APOL3: variants seen among roughly 807,000 people sequenced by gnomAD.
APOL3 encodes apolipoprotein L3.
Under a neutral mutation model 11.6 loss-of-function variants are expected in APOL3, and 14 were observed. The observed-to-expected ratio is 1.21, with a 90% CI of 0.80 to 1.89. The LOEUF is 1.89. APOL3 is among the 40% of genes most tolerant of loss of function. The probability of loss-of-function intolerance (pLI) is 0.00; values close to 1 mark genes in which losing one functional copy is unlikely to be tolerated. For missense variants in APOL3, 483 were observed against 492.1 expected (o/e 0.98, Z 0.17); for synonymous variants, 192 against 190.6 (o/e 1.01, Z -0.06).
chr22:36,153,074 G>A (rs2012061349), intron 1 of APOL3, among the ~76,000 whole-genome samples: 1 of 151,876 alleles, frequency 6.6e-6, no homozygotes, highest in African/African-American at 2.4e-5. Context: ...TAGCTACATT[G>A]CACTCCAGCC....
chr22:36,157,481 C>T (rs1212273878), intron 1 of APOL3, among the ~76,000 whole-genome samples: 2 of 151,940 alleles, frequency 1.3e-5, no homozygotes, highest in East Asian at 3.9e-4. Context: ...CTAAGTGTAC[C>T]CCAGAAAGAA....
At chr22:36,156,466 C>T (rs935175717) in intron 1 of APOL3, among the ~76,000 whole-genome samples, 4 of 152,156 alleles carry the variant, frequency 2.6e-5, no homozygotes, top group Non-Finnish European at 5.9e-5. Context: ...ACACGGGCTC[C>T]TACTTTCCTC....
At chr22:36,151,995 T>G (rs1253481483) in intron 1 of APOL3, among the ~76,000 whole-genome samples, 2 of 151,944 alleles carry the variant, frequency 1.3e-5, no homozygotes, top group Non-Finnish European at 2.9e-5. Context: ...TGAGTGTGTG[T>G]GTGTGTGTGC....
At chr22:36,142,739 G>A (rs2060044867) in intron 2 of APOL3, among the ~76,000 whole-genome samples, 1 of 152,188 alleles carries the variant, frequency 6.6e-6, no homozygotes. Flanking sequence ...CCCAGAAAGA[G>A]CTCTGTACAT....
At chr22:36,154,625 T>G (rs1019808461) in intron 1 of APOL3, 24 of 470,954 alleles carry the variant, frequency 5.1e-5, no homozygotes, top group Non-Finnish European at 9.7e-5. Context: ...GCTGTGTTAT[T>G]CTCCTATGGA....
intron 1 of APOL3, chr22:36,149,357 C>T (rs1239718883): frequency 1.5e-6 from 2 of 1,306,476 alleles, no homozygotes; most frequent in Non-Finnish European, 1.0e-6. Context: ...CACACCAAGG[C>T]AGGGTCCTTT....
intron 1 of APOL3, among the ~76,000 whole-genome samples, chr22:36,146,756 C>T (rs1309539353): frequency 6.6e-6 from 1 of 151,944 alleles, no homozygotes; most frequent in Non-Finnish European, 1.5e-5. Flanking sequence ...AACAGAGAAA[C>T]CAATGAATAT....
At chr22:36,157,778 G>A (rs906610014) in intron 1 of APOL3, among the ~76,000 whole-genome samples, 7 of 152,086 alleles carry the variant, frequency 4.6e-5, no homozygotes, top group African/African-American at 1.4e-4. Context: ...AGCCAGGTGC[G>A]GTGGCTCATA....
upstream of APOL3, chr22:36,165,248 A>G (rs1569530202): frequency 6.6e-6 from 1 of 152,110 alleles, no homozygotes; most frequent in Non-Finnish European, 1.5e-5. Flanking sequence ...CTTAAAAATT[A>G]CTCAACAAAT....
intron 2 of APOL3, among the ~76,000 whole-genome samples, chr22:36,144,050 A>G (rs1320930432): frequency 6.6e-6 from 1 of 152,154 alleles, no homozygotes; most frequent in Non-Finnish European, 1.5e-5. Context: ...AGAACAGAAG[A>G]GGGTCCCAAA....
At chr22:36,156,043 G>T in intron 1 of APOL3, 1 of 248,910 alleles carries the variant, frequency 4.0e-6, no homozygotes, top group Non-Finnish European at 8.3e-6. Flanking sequence ...TCCTCCTTAG[G>T]CAGAGAGAGA....
At chr22:36,141,069 G>C (rs1485151769) in exon 3 of APOL3, 1 of 1,393,514 alleles carries the variant, frequency 7.2e-7, no homozygotes, top group Non-Finnish European at 9.7e-7. Context: ...CTCAGCTACA[G>C]AAATGCCAAA....
chr22:36,153,025 C>A (rs577170095), intron 1 of APOL3, among the ~76,000 whole-genome samples: 1 of 151,966 alleles, frequency 6.6e-6, no homozygotes, highest in Non-Finnish European at 1.5e-5. Flanking sequence ...GCAGGAGAAT[C>A]GCTTGAACCC....
chr22:36,155,543 T>C (rs978211571), intron 1 of APOL3, among the ~76,000 whole-genome samples: 5 of 151,988 alleles, frequency 3.3e-5, no homozygotes, highest in African/African-American at 1.2e-4. Context: ...GGTTTCTGGG[T>C]GCTTCTTGCT....
chr22:36,161,376 G>T (rs2013685482), upstream of APOL3: 2 of 184,194 alleles, frequency 1.1e-5, no homozygotes, highest in Admixed American at 1.1e-4. Context: ...TTTTGAAGGG[G>T]TGAAATCTTA....
exon 3 of APOL3, chr22:36,141,313 C>G (rs914312304): frequency 6.2e-7 from 1 of 1,614,070 alleles, no homozygotes; most frequent in African/African-American, 1.3e-5. Flanking sequence ...GACTTTGCCC[C>G]CTCATGCAAG....
intron 1 of APOL3, chr22:36,156,965 T>C (rs1045274206): frequency 6.6e-6 from 3 of 456,266 alleles, no homozygotes; most frequent in Non-Finnish European, 8.8e-6. Flanking sequence ...CACTTTCAGT[T>C]GAGGGATTGA....
At chr22:36,165,265 T>G (rs373158286), upstream of APOL3, 1 of 141,232 alleles carries the variant, frequency 7.1e-6, no homozygotes, top group East Asian at 1.9e-4. Context: ...AAATTATTAA[T>G]CTAACTAACC....
intron 2 of APOL3, among the ~76,000 whole-genome samples, chr22:36,144,620 A>T (rs1452087191): frequency 6.6e-6 from 1 of 152,134 alleles, no homozygotes; most frequent in Non-Finnish European, 1.5e-5. Context: ...AGGTGGAAGA[A>T]AAGGGCCCCG....
Sources: allele counts gnomAD v4.1 joint callset (sites outside exome capture counted in the v4.1 genomes callset), GRCh38; gene constraint gnomAD v4.1.1; transcripts MANE v1.5; gene names NCBI Gene and HGNC (gene_info 2026-07-23, HGNC 2026-07-21).